The following SFSWAP variants were observed in gnomAD, a reference collection of about 807,000 sequenced individuals.
The protein encoded by SFSWAP is splicing factor SWAP.
SFSWAP carries 17 observed loss-of-function variants against 100.7 expected under a neutral mutation model. The ratio of observed to expected loss-of-function variants is 0.17; its 90% confidence interval spans 0.12 to 0.25. The LOEUF (loss-of-function observed/expected upper bound fraction) is 0.25. Ranked by LOEUF, SFSWAP falls within the 10% of genes least tolerant of loss-of-function variation. The probability of loss-of-function intolerance (pLI) is 1.00; values close to 1 mark genes in which losing one functional copy is unlikely to be tolerated. For synonymous variants in SFSWAP, 504 were observed against 510.1 expected (o/e 0.99, Z 0.16); for missense variants, 1,005 against 1,262.6 (o/e 0.80, Z 3.09).
intron 4 of SFSWAP, among the ~76,000 whole-genome samples, chr12:131,724,171 T>C (rs145932899): frequency 6.6e-6 from 1 of 152,322 alleles, no homozygotes; most frequent in Non-Finnish European, 1.5e-5. Flanking sequence ...ATAGAAGTAG[T>C]ATATAACAAA....
chr12:131,749,312 G>A (rs1175072133), intron 7 of SFSWAP, among the ~76,000 whole-genome samples: 1 of 152,226 alleles, frequency 6.6e-6, no homozygotes, highest in African/African-American at 2.4e-5. Context: ...CCTGAGGACA[G>A]CAGGAGCCCC....
intron 14 of SFSWAP, among the ~76,000 whole-genome samples, chr12:131,780,546 C>A (rs938045904): frequency 6.6e-6 from 1 of 152,116 alleles, no homozygotes; most frequent in Non-Finnish European, 1.5e-5. Context: ...CTCCTGAGCT[C>A]AAGCGTAGAG....
chr12:131,742,263 G>A (rs543815701), intron 7 of SFSWAP, among the ~76,000 whole-genome samples: 1 of 152,244 alleles, frequency 6.6e-6, no homozygotes, highest in South Asian at 2.1e-4. Flanking sequence ...TGGGGCCCAG[G>A]TCTCACTTCA....
rs1881960172 is a variant in SFSWAP at position 131,754,458 on chromosome 12, C to T, written c.1413C>T (p.Gly471=). Residue 471 remains glycine, a synonymous_variant, in exon 9 of 18, where the codon GGC becomes GGT. Transcript: ENST00000261674. The stretch of plus-strand genomic sequence containing the variant: ...TGGCCGAGTATGTCGCCAGGAACGG[C>T]CTGAAGTTCGAGACCAGTGTTCGTG... ...DKLAEYVARN[G]LKFETSVRAK... 1 of 1,603,382 alleles carries T rather than the reference C, an allele frequency of 6.2e-7. No homozygotes were observed. The highest frequency in any genetic ancestry group is 8.5e-7 in the Non-Finnish European group (1 of 1,176,224).
chr12:131,786,527 G>A lies in SFSWAP; in HGVS notation c.2473G>A (p.Val825Met). ...SPERRREERSVPTAYRVSRSP... is the reference protein window; with the variant it reads ...SPERRREERSMPTAYRVSRSP... ...TGAGAGACGGAGGGAAGAGAGGAGT[G>A]TGCCCACTGCCTACCGCGTGAGCCG... Residue 825 changes from valine (V) to methionine (M), a missense_variant, in exon 15 of 18, where the codon GTG (valine) becomes ATG (methionine). Coordinates refer to ENST00000261674, the MANE Select transcript of SFSWAP (RefSeq NM_004592.4). 6.3e-7 allele frequency: 1 copy of A among 1,587,656 alleles called. No individual in the cohort carries two copies. Among genetic ancestry groups the A allele is most frequent in the Non-Finnish European group, 8.6e-7 (1 of 1,168,058 alleles).
chr12:131,785,244 C>A, intron 14 of SFSWAP: 2 of 1,531,104 alleles, frequency 1.3e-6, no homozygotes, highest in South Asian at 1.2e-5. Context: ...TAACTGACCT[C>A]GCCTTTATCA....
At chr12:131,796,444 T>C (rs1036001674) in intron 15 of SFSWAP, 1 of 152,552 alleles carries the variant, frequency 6.6e-6, no homozygotes, top group Non-Finnish European at 1.5e-5. Context: ...GATTGCCAGT[T>C]TGGTGACGTG....
At chr12:131,790,051 G>T (rs909695635) in intron 15 of SFSWAP, among the ~76,000 whole-genome samples, 3 of 152,200 alleles carry the variant, frequency 2.0e-5, no homozygotes, top group African/African-American at 7.2e-5. Flanking sequence ...TTCTTACACT[G>T]CTGACTGCAA....
At position 131,799,067 on chromosome 12, in the gene SFSWAP, C is replaced by G. The variant is rs975773813; in HGVS notation, c.2748C>G (p.Ile916Met). 6.8e-6 allele frequency: 11 copies of G among 1,613,942 alleles called. No individual in the cohort carries two copies. Among genetic ancestry groups the G allele is most frequent in the Non-Finnish European group, 9.3e-6 (11 of 1,179,924 alleles). ...TCTCTCAGGAAAAAGAAGCCCAGATCTCTTCAGCAATCGTTTCTTCCGTGC... is the reference window on the plus strand; with the variant it reads ...TCTCTCAGGAAAAAGAAGCCCAGATGTCTTCAGCAATCGTTTCTTCCGTGC... ...RGVSQEKEAQ[I>M]SSAIVSSVQS... The change falls in exon 17 of 18, where the codon ATC (isoleucine) becomes ATG (methionine). Residue 916 changes from isoleucine to methionine, a missense_variant. By Grantham distance (10) the Ile-to-Met change is conservative. This residue lies in a region of SFSWAP where 295 missense variants were observed against 347.9 expected (regional missense o/e 0.85). Coordinates refer to ENST00000261674, the MANE Select transcript of SFSWAP (RefSeq NM_004592.4).
rs1290048262 is a variant in SFSWAP at position 131,711,437 on chromosome 12, C to T, written c.208C>T (p.Leu70Phe). 2 of 1,613,044 alleles carry T rather than the reference C, an allele frequency of 1.2e-6. No homozygotes were observed. Among genetic ancestry groups the T allele is most frequent in the South Asian group, 1.1e-5 (1 of 91,074 alleles). The stretch of plus-strand genomic sequence containing the variant: ...CCCCTGGATGGGGGACCACAAGATC[C>T]TCATCGACAGGTCGGTTCCTCTCCC... ...LIPWMGDHKI[L>F]IDRYDGRGHL... The change falls in exon 1 of 18, where the codon CTC becomes TTC. Residue 70 changes from leucine to phenylalanine, a missense_variant. By Grantham distance (22) the Leu-to-Phe change is conservative. Transcript: ENST00000261674. This position sits in a 1 kb window ranked among gnomAD's most constrained non-coding sequence, Gnocchi z 4.9.
chr12:131,797,476 C>T, intron 16 of SFSWAP, 116 bp downstream of exon 16: 2 of 994,196 alleles, frequency 2.0e-6, no homozygotes, highest in Non-Finnish European at 2.9e-6. Context: ...CAGGGGGCGC[C>T]AGCCACAAAG....
intron 4 of SFSWAP, among the ~76,000 whole-genome samples, chr12:131,720,570 G>C (rs1474020095): frequency 6.6e-6 from 1 of 152,152 alleles, no homozygotes; most frequent in Non-Finnish European, 1.5e-5. Context: ...CTCAATTCTT[G>C]TTTGTGTCCC....
Position 131,714,375 on chromosome 12 carries a change from C to A in SFSWAP, c.388+135C>A. ...GACAGTACCCAGTGGATTGGAAAAA[C>A]AGGAGTCTTTGCGTTCTGAGAGGAC... On this transcript the variant is annotated intron_variant, in intron 2 of 17. Transcript: ENST00000261674. The surrounding 1 kb of genome is among the most constrained non-coding windows in gnomAD (Gnocchi z 6.0). 1.4e-6 allele frequency: 1 copy of A among 739,104 alleles called. No individual in the cohort carries two copies. The highest frequency in any genetic ancestry group is 2.1e-6 in the Non-Finnish European group (1 of 469,406). The allele number at this position is 739,104 out of a possible 1,614,324, so 45.8% of individuals were successfully genotyped here.
At chr12:131,760,314 A>G (rs1882546519) in intron 11 of SFSWAP, among the ~76,000 whole-genome samples, 2 of 152,234 alleles carry the variant, frequency 1.3e-5, no homozygotes, top group Admixed American at 1.3e-4. Context: ...CACTATAGAA[A>G]GAGCTTTTAT....
At chr12:131,792,233 C>A (rs920774917) in intron 15 of SFSWAP, among the ~76,000 whole-genome samples, 1 of 145,510 alleles carries the variant, frequency 6.9e-6, no homozygotes, top group Non-Finnish European at 1.5e-5. Flanking sequence ...ACTGTGTGTG[C>A]GCCCGTGTGT....
chr12:131,745,879 C>T lies in SFSWAP; in HGVS notation c.1082-7244C>T, dbSNP rs554843477. Among the ~76,000 whole-genome samples the T allele has an allele frequency of 5.3e-5, 8 of 152,032 alleles. No homozygotes were observed. In the South Asian group the frequency reaches 6.2e-4, roughly 12 times the overall value. On this transcript the variant is annotated intron_variant, in intron 7 of 17. Transcript: ENST00000261674. The stretch of plus-strand genomic sequence containing the variant: ...AGCCGAATAAGCCTGCAGGGAATGG[C>T]GACTCTTGGCAGCGGGTCAGGCTGT...
chr12:131,733,226 C>T lies in SFSWAP; in HGVS notation c.1081+4798C>T, dbSNP rs960676093. Among the ~76,000 whole-genome samples the T allele has an allele frequency of 1.3e-5, 2 of 152,134 alleles. No homozygotes were observed. Among genetic ancestry groups the T allele is most frequent in the Admixed American group, 1.3e-4 (2 of 15,276 alleles). ...CTCCCTGGTACTTACTGGGCAGGTG[C>T]GTATCGTCAGGAGCTCCTCACCCTG... On this transcript the variant is annotated intron_variant, in intron 7 of 17. Coordinates refer to ENST00000261674, the MANE Select transcript of SFSWAP (RefSeq NM_004592.4). This position sits in a 1 kb window ranked among gnomAD's most constrained non-coding sequence, Gnocchi z 5.1.
At chr12:131,745,329 T>G (rs928469121) in intron 7 of SFSWAP, among the ~76,000 whole-genome samples, 1 of 152,200 alleles carries the variant, frequency 6.6e-6, no homozygotes, top group African/African-American at 2.4e-5. Flanking sequence ...TTTTAGGAAT[T>G]CTTGAAAATT....
chr12:131,766,260 G>A lies in SFSWAP; in HGVS notation c.2094G>A (p.Leu698=), dbSNP rs369834485. ...ALFLQTLKNP[L]PEAEAGKIEE... The stretch of plus-strand genomic sequence containing the variant: ...TTTTACAGACCCTCAAAAATCCTCT[G>A]CCGGAAGCAGAAGCTGGGAAAATTG... Residue 698 remains leucine, a synonymous_variant, in exon 13 of 18, where the codon CTG becomes CTA. Coordinates refer to ENST00000261674, the MANE Select transcript of SFSWAP (RefSeq NM_004592.4). 16 of 1,614,062 alleles carry A rather than the reference G, an allele frequency of 9.9e-6. No individual in the cohort carries two copies. In the African/African-American group the frequency reaches 1.7e-4, roughly 18 times the overall value.
Sources: allele counts gnomAD v4.1 joint callset (sites outside exome capture counted in the v4.1 genomes callset), GRCh38; gene constraint gnomAD v4.1.1; regional missense constraint gnomAD v4.1.1; non-coding constraint Gnocchi (gnomAD v3.1); transcripts MANE v1.5; gene names NCBI Gene and HGNC (gene_info 2026-07-23, HGNC 2026-07-21).